SYT2: variants seen among roughly 807,000 people sequenced by gnomAD.
SYT2 encodes the protein synaptotagmin 2.
A neutral mutation model predicts 39.9 loss-of-function variants in SYT2; 15 were observed. The observed-to-expected ratio is 0.38, with a 90% confidence interval of 0.25 to 0.58. SYT2 has a LOEUF of 0.58. SYT2 is among the 20% of genes least tolerant of loss of function. The pLI is 0.70. For synonymous variants in SYT2, 181 were observed against 204.5 expected, an observed-to-expected ratio of 0.89 and a Z score of 0.98; for missense variants, 389 against 530.3, an observed-to-expected ratio of 0.73 and a Z score of 2.62.
intron 1 of SYT2, among the ~76,000 whole-genome samples, chr1:202,641,576 G>C (rs1278614312): frequency 6.6e-6 from 1 of 152,216 alleles, no homozygotes; most frequent in Non-Finnish European, 1.5e-5. Flanking sequence ...CATCTCAACC[G>C]AAGACAGAAC....
intron 1 of SYT2, among the ~76,000 whole-genome samples, chr1:202,629,903 A>G: frequency 9.9e-6 from 1 of 100,824 alleles, no homozygotes; most frequent in South Asian, 2.5e-4. Context: ...TGTGTTGCTC[A>G]GAAGTGACTC....
intron 1 of SYT2, among the ~76,000 whole-genome samples, chr1:202,679,518 A>G (rs1572675164): frequency 6.6e-6 from 1 of 151,958 alleles, no homozygotes; most frequent in East Asian, 1.9e-4. Context: ...TTTATCTCCC[A>G]CTTATAATTG....
chr1:202,707,137 GCAATA>G (rs1654272923), intron 1 of SYT2, among the ~76,000 whole-genome samples: 1 of 152,196 alleles, frequency 6.6e-6, no homozygotes, highest in Non-Finnish European at 1.5e-5. Context: ...TTCTCAAAAT[GCAATA>G]GTGGAACGAA....
At chr1:202,659,140 A>G (rs1430508100) in intron 1 of SYT2, among the ~76,000 whole-genome samples, 1 of 152,108 alleles carries the variant, frequency 6.6e-6, no homozygotes, top group Non-Finnish European at 1.5e-5. Flanking sequence ...TCAGAAGGGC[A>G]TGAAATTGAC....
At chr1:202,607,084 A>T (rs753989715) in intron 1 of SYT2, among the ~76,000 whole-genome samples, 7 of 152,128 alleles carry the variant, frequency 4.6e-5, no homozygotes, top group Admixed American at 3.3e-4. Flanking sequence ...GTCTTCATTT[A>T]AGGCAATGTT....
In SYT2 at chr1:202,617,104, G is replaced by A. The variant is rs149782170; in HGVS notation, c.-17-11315C>T. On this transcript the variant is annotated intron_variant, in intron 1 of 8. Transcript: ENST00000367268. The stretch of plus-strand genomic sequence containing the variant: ...AGCAGCACCTCAGCTTTCCCTCCCT[G>A]GGTTGCTAACACCAGCCTACACTCC... Among the ~76,000 whole-genome samples, 176 of 152,256 alleles carry A rather than the reference G, an allele frequency of 1.2e-3. 1 individual carries two copies. Among genetic ancestry groups the A allele is most frequent in the African/African-American group, 4.0e-3 (166 of 41,536 alleles).
intron 1 of SYT2, among the ~76,000 whole-genome samples, chr1:202,635,754 C>A (rs1248495368): frequency 6.6e-6 from 1 of 152,128 alleles, no homozygotes; most frequent in African/African-American, 2.4e-5. Flanking sequence ...AGCCTGGTCA[C>A]CCCCATGGTT....
intron 1 of SYT2, chr1:202,627,688 C>T: frequency 5.3e-6 from 5 of 950,452 alleles, no homozygotes; most frequent in South Asian, 9.7e-5. Context: ...GTCTGCCTTA[C>T]CCAAACTTGA....
At chr1:202,687,666 C>CAAAAAAAAAAAAAAAAAAAAA (rs59844832) in intron 1 of SYT2, among the ~76,000 whole-genome samples, 2 of 83,982 alleles carry the variant, frequency 2.4e-5, no homozygotes, top group Non-Finnish European at 4.5e-5. Context: ...AACTCCATCT[C>CAAAAAAAAAAAAAAAAAAAAA]AAAAAAAAAA....
chr1:202,626,801 C>G (rs1195681713), intron 1 of SYT2, among the ~76,000 whole-genome samples: 9 of 152,154 alleles, frequency 5.9e-5, no homozygotes, highest in African/African-American at 2.2e-4. Context: ...TGCTTTCCAA[C>G]CTGACACTTA....
At chr1:202,613,241 C>T (rs902675784) in intron 1 of SYT2, among the ~76,000 whole-genome samples, 35 of 151,832 alleles carry the variant, frequency 2.3e-4, no homozygotes, top group African/African-American at 7.7e-4. Flanking sequence ...CCACCATGCC[C>T]GGCTAATTTT....
rs775689575 is a variant in SYT2, at chr1:202,599,221, A to G, written c.1050T>C (p.Ile350=). 1.9e-6 allele frequency: 3 copies of G among 1,613,174 alleles called. No individual in the cohort carries two copies. Among genetic ancestry groups the G allele is most frequent in the South Asian group, 2.2e-5 (2 of 90,928 alleles). ...TAGGAACCCAGGGCTCCAGCACCTG[A>G]ATCTGCTCGAAGGGGATCTCAAAGC... ...SFSFEIPFEQ[I]QKVQVVVTVL... Residue 350 remains isoleucine, a synonymous_variant, in exon 8 of 9, where the codon ATT becomes ATC. Transcript: ENST00000367268. This position sits in a 1 kb window ranked among gnomAD's most constrained non-coding sequence, Gnocchi z 4.4.
At chr1:202,691,574 C>T (rs925526832) in intron 1 of SYT2, among the ~76,000 whole-genome samples, 2 of 151,284 alleles carry the variant, frequency 1.3e-5, no homozygotes, top group African/African-American at 4.9e-5. Context: ...CACTTGAGCC[C>T]AGGAGGTCGA....
At chr1:202,604,134 G>GAA (rs1351077530) in intron 3 of SYT2, 9 of 269,734 alleles carry the variant, frequency 3.3e-5, no homozygotes, top group African/African-American at 2.0e-4. Context: ...GGAAAACACA[G>GAA]GGTTAACTGA....
chr1:202,609,974 T>C (rs1288823343), intron 1 of SYT2, among the ~76,000 whole-genome samples: 1 of 152,270 alleles, frequency 6.6e-6, no homozygotes, highest in African/African-American at 2.4e-5. Flanking sequence ...GCCTGTGTCC[T>C]GAATGGTATT....
At chr1:202,709,248 G>A (rs111540333) in intron 1 of SYT2, among the ~76,000 whole-genome samples, 1,559 of 152,246 alleles carry the variant, frequency 0.01, 25 homozygotes, top group African/African-American at 0.034. Flanking sequence ...GCTGCGGGGA[G>A]AGCACCTACT....
intron 1 of SYT2, among the ~76,000 whole-genome samples, chr1:202,631,471 T>C (rs12081820): frequency 0.21 from 31,186 of 152,052 alleles, 4,995 homozygotes; most frequent in African/African-American, 0.45. Flanking sequence ...AGCAGCTTCT[T>C]GGCTCTTCCC....
At chr1:202,641,971 G>T (rs181026583) in intron 1 of SYT2, among the ~76,000 whole-genome samples, 17 of 151,324 alleles carry the variant, frequency 1.1e-4, no homozygotes, top group Non-Finnish European at 1.6e-4. Context: ...CTTTGGGATG[G>T]GGGGTGCAGT....
chr1:202,671,632 T>C (rs1451159112), intron 1 of SYT2, among the ~76,000 whole-genome samples: 1 of 152,196 alleles, frequency 6.6e-6, no homozygotes, highest in African/African-American at 2.4e-5. Context: ...CTCCCAGGCC[T>C]AGAGAAACGA....
Sources: gnomAD v4.1 joint callset for allele counts (sites outside exome capture counted in the v4.1 genomes callset) on GRCh38, gnomAD v4.1.1 for gene constraint, Gnocchi (gnomAD v3.1) non-coding constraint, MANE v1.5 for transcripts, NCBI Gene and HGNC (gene_info 2026-07-23, HGNC 2026-07-21) for gene names.